The following GALK2 variants were observed in gnomAD, a reference collection of about 807,000 sequenced individuals.
GALK2 encodes N-acetylgalactosamine kinase.
In GALK2, 36 loss-of-function variants were observed where a neutral mutation model predicts 52.4. The observed-to-expected ratio is 0.69, with a 90% CI of 0.53 to 0.91. The LOEUF is 0.91. GALK2 is among the 40% of genes least tolerant of loss of function. GALK2 has a pLI of 0.00. For synonymous variants in GALK2, 176 were observed against 199.1 expected (o/e 0.88, Z 0.98); for missense variants, 579 against 559.1 (o/e 1.04, Z -0.36).
chr15:49,270,959 G>A (rs556658729), intron 5 of GALK2, among the ~76,000 whole-genome samples: 1 of 152,234 alleles, frequency 6.6e-6, no homozygotes, highest in South Asian at 2.1e-4. Context: ...GGACAGGACT[G>A]TTCTGCTCAA....
At chr15:49,320,921 A>G (rs1311086826) in intron 9 of GALK2, among the ~76,000 whole-genome samples, 1 of 152,238 alleles carries the variant, frequency 6.6e-6, no homozygotes, top group African/African-American at 2.4e-5. Context: ...CCTGGAAGGA[A>G]GTGGGATGGT....
chr15:49,170,158 G>A (rs999511924), upstream of GALK2: 2 of 1,447,218 alleles, frequency 1.4e-6, no homozygotes, highest in Admixed American at 2.5e-5. Context: ...GCCAGAGGAG[G>A]GGCCGATTGG....
Position 49,328,262 on chromosome 15 carries a change from G to T in GALK2, c.*103G>T. 6.8e-7 allele frequency: 1 copy of T among 1,463,290 alleles called. No individual in the cohort carries two copies. The allele number at this position is 1,463,290 out of a possible 1,614,324, so 90.6% of individuals were successfully genotyped here. ...TCTTCCTTCTGTTTTGTATTATGAT[G>T]AACGGTTGCTATTATATCAAGATAT... On this transcript the variant is annotated 3_prime_UTR_variant, in exon 10 of 10. Transcript: ENST00000560031.
At position 49,330,239 on chromosome 15, in the gene GALK2, G is replaced by T. The variant is rs1411585505; in HGVS notation, c.*2080G>T. On this transcript the variant is annotated 3_prime_UTR_variant, in exon 10 of 10. Coordinates refer to ENST00000560031, the MANE Select transcript of GALK2 (RefSeq NM_002044.4). ...TCAGTGAGAGTGAAGGCTTTGCTTT[G>T]GTATGTAGTGAAGAATAAGATTGAC... The T allele has an allele frequency of 6.6e-6, 1 of 152,164 alleles. No homozygotes were observed. Among genetic ancestry groups the T allele is most frequent in the Non-Finnish European group, 1.5e-5 (1 of 68,056 alleles). 9.4% of individuals were successfully genotyped at this position (152,164 alleles called of 1,614,324 possible). A position where few individuals can be genotyped will look rare whatever the true frequency, so the allele number is the denominator to read the frequency against.
chr15:49,288,639 C>T (rs139422001), intron 7 of GALK2, among the ~76,000 whole-genome samples: 88 of 152,266 alleles, frequency 5.8e-4, no homozygotes, highest in African/African-American at 1.9e-3. Context: ...AAGACTCTGG[C>T]ATGGAGTATT....
intron 3 of GALK2, chr15:49,366,630 G>C (rs1005232388): frequency 6.3e-7 from 1 of 1,584,302 alleles, no homozygotes; most frequent in Non-Finnish European, 8.7e-7. Context: ...AGCTGGAGCA[G>C]GAAGCCCCAG....
chr15:49,209,145 A>G (rs1181166164), intron 2 of GALK2, among the ~76,000 whole-genome samples: 1 of 152,174 alleles, frequency 6.6e-6, no homozygotes, highest in Non-Finnish European at 1.5e-5. Flanking sequence ...CATTTGGGCC[A>G]TTTACATTGA....
intron 1 of GALK2, chr15:49,156,923 A>G (rs900620071): frequency 2.0e-5 from 8 of 396,180 alleles, no homozygotes; most frequent in African/African-American, 1.7e-4. Flanking sequence ...TTGCATATTA[A>G]ATTATGTTAA....
At chr15:49,216,960 C>T (rs2089426517) in intron 2 of GALK2, among the ~76,000 whole-genome samples, 1 of 152,126 alleles carries the variant, frequency 6.6e-6, no homozygotes, top group South Asian at 2.1e-4. Context: ...TTTTCAGGTA[C>T]TCACCTGAAT....
chr15:49,273,759 C>T (rs1233053821), intron 5 of GALK2, among the ~76,000 whole-genome samples: 3 of 151,812 alleles, frequency 2.0e-5, no homozygotes, highest in Admixed American at 2.0e-4. Flanking sequence ...CAGGTAATAA[C>T]CTAGAAATTT....
At chr15:49,225,448 G>C in intron 3 of GALK2, 1 of 328,946 alleles carries the variant, frequency 3.0e-6, no homozygotes, top group South Asian at 2.4e-5. Flanking sequence ...ACCCTATTGT[G>C]GACTGCATGT....
At chr15:49,322,031 T>C (rs896134760) in intron 9 of GALK2, among the ~76,000 whole-genome samples, 2 of 152,260 alleles carry the variant, frequency 1.3e-5, no homozygotes, top group African/African-American at 4.8e-5. Flanking sequence ...CTTTGTGTTC[T>C]CCATTGGCTT....
intron 3 of GALK2, among the ~76,000 whole-genome samples, chr15:49,361,780 T>G (rs1227122393): frequency 6.6e-6 from 1 of 152,194 alleles, no homozygotes; most frequent in East Asian, 1.9e-4. Flanking sequence ...TATTGCTGAG[T>G]TGAATGGTAA....
intron 3 of GALK2, among the ~76,000 whole-genome samples, chr15:49,359,078 A>C (rs1375552911): frequency 6.6e-6 from 1 of 152,118 alleles, no homozygotes; most frequent in Non-Finnish European, 1.5e-5. Flanking sequence ...ACCTTATACA[A>C]AAATCAATTC....
At chr15:49,246,880 C>A (rs2091377271) in intron 5 of GALK2, among the ~76,000 whole-genome samples, 1 of 152,078 alleles carries the variant, frequency 6.6e-6, no homozygotes, top group Non-Finnish European at 1.5e-5. Context: ...ATATGCCATG[C>A]GTTGTTCTAG....
chr15:49,342,360 T>A (rs945677956), intron 3 of GALK2, among the ~76,000 whole-genome samples: 1 of 152,216 alleles, frequency 6.6e-6, no homozygotes, highest in Admixed American at 6.5e-5. Flanking sequence ...CTGCTCTTTT[T>A]TGTTTTCCAT....
At chr15:49,279,410 T>G (rs1222190301) in intron 5 of GALK2, among the ~76,000 whole-genome samples, 1 of 152,204 alleles carries the variant, frequency 6.6e-6, no homozygotes, top group African/African-American at 2.4e-5. Flanking sequence ...TTTGAGGTAG[T>G]GAAAAATAGA....
At chr15:49,178,563 C>A in intron 1 of GALK2, 2 of 244,298 alleles carry the variant, frequency 8.2e-6, no homozygotes, top group East Asian at 2.0e-4. Flanking sequence ...CTATATATAA[C>A]GTAAACTTGC....
intron 1 of GALK2, among the ~76,000 whole-genome samples, chr15:49,176,660 A>G (rs1488092567): frequency 6.6e-6 from 1 of 152,184 alleles, no homozygotes; most frequent in Non-Finnish European, 1.5e-5. Flanking sequence ...GGTGCTGATT[A>G]CCTTCATATT....
Sources: allele counts gnomAD v4.1 joint callset (sites outside exome capture counted in the v4.1 genomes callset), GRCh38; gene constraint gnomAD v4.1.1; transcripts MANE v1.5; gene names NCBI Gene and HGNC (gene_info 2026-07-23, HGNC 2026-07-21).